The following MLLT1 variants were observed in gnomAD, a reference collection of about 807,000 sequenced individuals.
The protein encoded by MLLT1 is protein ENL.
A neutral mutation model predicts 55.1 loss-of-function variants in MLLT1; 11 were observed. That is an observed-to-expected ratio of 0.20 (90% confidence interval 0.13 to 0.33). The LOEUF is 0.33. MLLT1 is among the 10% of genes least tolerant of loss of function. The pLI, the probability that MLLT1 is intolerant of heterozygous loss-of-function variation, is 1.00. For synonymous variants in MLLT1, 323 were observed against 320.1 expected (o/e 1.01, Z -0.10); for missense variants, 536 against 760.6 (o/e 0.70, Z 3.47).
Position 6,241,202 on chromosome 19 carries a change from A to G in MLLT1, c.277-10489T>C, listed in dbSNP as rs571255692. Among the ~76,000 whole-genome samples the G allele has an allele frequency of 1.7e-4, 26 of 152,038 alleles. No individual in the cohort carries two copies. In the East Asian group the frequency reaches 4.9e-3, roughly 28 times the overall value. Reference sequence around the variant, plus strand: ...CCCAGTATGAGGACAGCCTCTCTCTACCCTGAACTGAGGCCGCCGGAACCC... The same window carrying G: ...CCCAGTATGAGGACAGCCTCTCTCTGCCCTGAACTGAGGCCGCCGGAACCC... On this transcript the variant is annotated intron_variant, in intron 3 of 11. Transcript: ENST00000252674.
At chr19:6,255,852 C>T (rs921698691) in intron 3 of MLLT1, among the ~76,000 whole-genome samples, 5 of 152,318 alleles carry the variant, frequency 3.3e-5, no homozygotes, top group Admixed American at 3.3e-4. Flanking sequence ...CAAGGCTGGG[C>T]GCGCTGACTC....
chr19:6,212,309 T>C lies in MLLT1; in HGVS notation c.*733A>G. 9.4e-7 allele frequency: 1 copy of C among 1,064,616 alleles called. No individual in the cohort carries two copies. Among genetic ancestry groups the C allele is most frequent in the Non-Finnish European group, 1.1e-6 (1 of 878,814 alleles). 65.9% of individuals were successfully genotyped at this position (1,064,616 alleles called of 1,614,324 possible). A position where few individuals can be genotyped will look rare whatever the true frequency, so the allele number is the denominator to read the frequency against. The stretch of plus-strand genomic sequence containing the variant: ...CATCCTTGGAACGGCAAAGGGAGAA[T>C]TCCTCCATGCGCCTGGAGAGGGCCA... On this transcript the variant is annotated 3_prime_UTR_variant, in exon 12 of 12. Transcript: ENST00000252674.
rs551886039 is a variant in MLLT1 at position 6,227,974 on chromosome 19, C to T, written c.421-872G>A. Among the ~76,000 whole-genome samples, 1 of 152,330 alleles carries T rather than the reference C, an allele frequency of 6.6e-6. No individual in the cohort carries two copies. The highest frequency in any genetic ancestry group is 6.5e-5 in the Admixed American group (1 of 15,306). ...TCGGTAGAAGAAGCACTGCTAACAGCCTTGAGCACCTGCAGTTCCCGGCCA... is the reference window on the plus strand; with the variant it reads ...TCGGTAGAAGAAGCACTGCTAACAGTCTTGAGCACCTGCAGTTCCCGGCCA... On this transcript the variant is annotated intron_variant, in intron 4 of 11. Coordinates refer to ENST00000252674, the MANE Select transcript of MLLT1 (RefSeq NM_005934.4). This position sits in a 1 kb window ranked among gnomAD's most constrained non-coding sequence, Gnocchi z 5.1.
Position 6,240,619 on chromosome 19 carries a change from G to C in MLLT1, c.277-9906C>G, listed in dbSNP as rs1282050805. Among the ~76,000 whole-genome samples the C allele has an allele frequency of 6.6e-6, 1 of 152,200 alleles. No individual in the cohort carries two copies. Among genetic ancestry groups the C allele is most frequent in the Non-Finnish European group, 1.5e-5 (1 of 68,042 alleles). ...AGAAGAAAGCAAACCACGAGACTGAGAGCACCACGGAACCCTACAGCTCTC... is the reference window on the plus strand; with the variant it reads ...AGAAGAAAGCAAACCACGAGACTGACAGCACCACGGAACCCTACAGCTCTC... On this transcript the variant is annotated intron_variant, in intron 3 of 11. Coordinates refer to ENST00000252674, the MANE Select transcript of MLLT1 (RefSeq NM_005934.4). This position sits in a 1 kb window ranked among gnomAD's most constrained non-coding sequence, Gnocchi z 4.7.
Position 6,212,692 on chromosome 19 carries a change from C to A in MLLT1, c.*350G>T. On this transcript the variant is annotated 3_prime_UTR_variant, in exon 12 of 12. Transcript: ENST00000252674. ...CCGCTGCTCAGAAAGGCTGGGGCAG[C>A]GACGCCGCACAGCCCGCCGAGCAGT... 2 of 1,120,572 alleles carry A rather than the reference C, an allele frequency of 1.8e-6. No homozygotes were observed. The highest frequency in any genetic ancestry group is 2.2e-6 in the Non-Finnish European group (2 of 915,772). The allele number at this position is 1,120,572 out of a possible 1,614,324, so 69.4% of individuals were successfully genotyped here. A position where few individuals can be genotyped will look rare whatever the true frequency, so the allele number is the denominator to read the frequency against.
chr19:6,275,146 C>A (rs1386584891), intron 1 of MLLT1, among the ~76,000 whole-genome samples: 1 of 152,268 alleles, frequency 6.6e-6, no homozygotes, highest in Non-Finnish European at 1.5e-5. Flanking sequence ...ACCAGTTCAT[C>A]TGAAGATTTC....
At chr19:6,238,901 A>G (rs1347206332) in intron 3 of MLLT1, among the ~76,000 whole-genome samples, 2 of 152,246 alleles carry the variant, frequency 1.3e-5, no homozygotes, top group Non-Finnish European at 1.5e-5. Flanking sequence ...GCTACCTTGG[A>G]ACTAGGCAGC....
intron 1 of MLLT1, among the ~76,000 whole-genome samples, chr19:6,279,157 G>C (rs2091443712): frequency 6.6e-6 from 1 of 152,112 alleles, no homozygotes; most frequent in South Asian, 2.1e-4. Context: ...CCGCAGAGCA[G>C]GGTCCCAGGG....
chr19:6,232,555 C>A (rs1322716500), intron 3 of MLLT1, among the ~76,000 whole-genome samples: 1 of 152,208 alleles, frequency 6.6e-6, no homozygotes, highest in Non-Finnish European at 1.5e-5. Flanking sequence ...ACACCAAAAG[C>A]ACAGGCAACT....
intron 1 of MLLT1, among the ~76,000 whole-genome samples, chr19:6,275,409 G>C (rs557129446): frequency 6.6e-6 from 1 of 152,304 alleles, no homozygotes; most frequent in African/African-American, 2.4e-5. Flanking sequence ...AAGAGGTGAC[G>C]AGGCTTGGGC....
intron 6 of MLLT1, among the ~76,000 whole-genome samples, chr19:6,220,960 G>C (rs2090891574): frequency 6.6e-6 from 1 of 152,194 alleles, no homozygotes; most frequent in African/African-American, 2.4e-5. Flanking sequence ...AGCCATGGGA[G>C]CACCGGGCAC....
Position 6,270,361 on chromosome 19 carries a change from G to A in MLLT1, c.193+218C>T, listed in dbSNP as rs372111223. Among the ~76,000 whole-genome samples, 1 of 152,058 alleles carries A rather than the reference G, an allele frequency of 6.6e-6. No individual in the cohort carries two copies. Among genetic ancestry groups the A allele is most frequent in the African/African-American group, 2.4e-5 (1 of 41,382 alleles). ...TTCCCAGAGCCCGGGTCTAAATCACGACACAACAGACCGCCACCACCTCCT... is the reference window on the plus strand; with the variant it reads ...TTCCCAGAGCCCGGGTCTAAATCACAACACAACAGACCGCCACCACCTCCT... On this transcript the variant is annotated intron_variant, in intron 2 of 11. Coordinates refer to ENST00000252674, the MANE Select transcript of MLLT1 (RefSeq NM_005934.4). This position sits in a 1 kb window ranked among gnomAD's most constrained non-coding sequence, Gnocchi z 7.1.
intron 3 of MLLT1, among the ~76,000 whole-genome samples, chr19:6,247,730 C>T (rs2091181460): frequency 1.3e-5 from 2 of 152,236 alleles, no homozygotes; most frequent in Middle Eastern, 6.8e-3. Flanking sequence ...GATTTCAGAT[C>T]TTTTTTTGGA....
At chr19:6,238,300 G>T (rs2091082095) in intron 3 of MLLT1, among the ~76,000 whole-genome samples, 1 of 152,226 alleles carries the variant, frequency 6.6e-6, no homozygotes, top group African/African-American at 2.4e-5. Context: ...TAATGTTAAA[G>T]AATTACTAAT....
chr19:6,265,893 C>T (rs945535171), intron 2 of MLLT1, among the ~76,000 whole-genome samples: 13 of 136,562 alleles, frequency 9.5e-5, no homozygotes, highest in Non-Finnish European at 1.9e-4. Context: ...GCAGGAGAAT[C>T]GCTTGAACCC....
chr19:6,246,943 G>A (rs1268039839), intron 3 of MLLT1, among the ~76,000 whole-genome samples: 2 of 152,184 alleles, frequency 1.3e-5, no homozygotes, highest in African/African-American at 4.8e-5. Flanking sequence ...CTGAGCCCTA[G>A]CTGCCAACAC....
intron 1 of MLLT1, among the ~76,000 whole-genome samples, chr19:6,275,890 G>A (rs1049895125): frequency 6.6e-6 from 1 of 152,152 alleles, no homozygotes; most frequent in East Asian, 1.9e-4. Flanking sequence ...GAGTATTTAC[G>A]AACCAGGGGC....
intron 7 of MLLT1, chr19:6,216,814 G>A (rs971794391): frequency 5.0e-6 from 2 of 397,092 alleles, no homozygotes; most frequent in Non-Finnish European, 9.2e-6. Context: ...GCAGCCGGAG[G>A]AGAACCCCTC....
chr19:6,213,360 G>A lies in MLLT1; in HGVS notation c.1528C>T (p.Arg510Trp), dbSNP rs748450717. 6.2e-7 allele frequency: 1 copy of A among 1,612,110 alleles called. No homozygotes were observed. The highest frequency in any genetic ancestry group is 8.5e-7 in the Non-Finnish European group (1 of 1,179,882). The change falls in exon 11 of 12, where the codon CGG becomes TGG. Residue 510 changes from arginine (R) to tryptophan (W), a missense_variant. Around this residue, in one of 3 missense-constraint regions of MLLT1, gnomAD observed 25 missense variants for 75.8 expected, o/e 0.33. Transcript: ENST00000252674. ...VELHRRLMALRERNVLQQIVN... is the reference protein window; with the variant it reads ...VELHRRLMALWERNVLQQIVN... ...ACCTGCTGCAGCACGTTGCGCTCCCGCAGCGCCATCAGCCTCCGGTGTAGC... is the reference window on the plus strand; with the variant it reads ...ACCTGCTGCAGCACGTTGCGCTCCCACAGCGCCATCAGCCTCCGGTGTAGC...
Sources: allele counts gnomAD v4.1 joint callset (sites outside exome capture counted in the v4.1 genomes callset), GRCh38; gene constraint gnomAD v4.1.1; regional missense constraint gnomAD v4.1.1; non-coding constraint Gnocchi (gnomAD v3.1); transcripts MANE v1.5; gene names NCBI Gene and HGNC (gene_info 2026-07-23, HGNC 2026-07-21).